Variants in GMDS observed in about 807,000 individuals in gnomAD.
The protein encoded by GMDS is GDP-mannose 4,6-dehydratase.
In GMDS, 20 loss-of-function variants were observed where a neutral mutation model predicts 49.9. The observed-to-expected ratio is 0.40, with a 90% CI of 0.28 to 0.58. The LOEUF is 0.58. GMDS is among the 20% of genes least tolerant of loss of function. GMDS has a pLI of 0.42. For synonymous variants in GMDS, 177 were observed against 178.6 expected (o/e 0.99, Z 0.07); for missense variants, 362 against 481.4 (o/e 0.75, Z 2.32).
intron 9 of GMDS, among the ~76,000 whole-genome samples, chr6:1,657,953 CA>C (rs1763941506): frequency 6.6e-6 from 1 of 151,930 alleles, no homozygotes; most frequent in South Asian, 2.1e-4. Context: ...CGCATGGCAG[CA>C]AACTGGCTGC....
intron 2 of GMDS, among the ~76,000 whole-genome samples, chr6:2,120,031 T>C (rs904388652): frequency 5.3e-5 from 8 of 152,212 alleles, no homozygotes; most frequent in Non-Finnish European, 7.3e-5. Flanking sequence ...AGTGTCTAGA[T>C]TTCTCTTGGA....
At chr6:1,989,209 A>C (rs572951260) in intron 4 of GMDS, among the ~76,000 whole-genome samples, 1 of 152,378 alleles carries the variant, frequency 6.6e-6, no homozygotes, top group South Asian at 2.1e-4. Flanking sequence ...ATTTAAGGCC[A>C]AGAAAAGAAG....
chr6:1,898,520 C>A (rs1373170046), intron 7 of GMDS, among the ~76,000 whole-genome samples: 1 of 152,110 alleles, frequency 6.6e-6, no homozygotes, highest in African/African-American at 2.4e-5. Flanking sequence ...TTTCCACCCT[C>A]CTTGTTTGGA....
intron 7 of GMDS, among the ~76,000 whole-genome samples, chr6:1,783,838 C>T (rs1769206503): frequency 6.6e-6 from 1 of 152,252 alleles, no homozygotes; most frequent in Admixed American, 6.5e-5. Flanking sequence ...GGCCATGAGG[C>T]TCTTTGTACT....
chr6:1,658,436 G>A (rs775338285), intron 9 of GMDS, among the ~76,000 whole-genome samples: 2 of 152,322 alleles, frequency 1.3e-5, no homozygotes, highest in South Asian at 2.1e-4. Context: ...ACAGCCCAGC[G>A]CTCTGCCTAC....
At chr6:1,777,980 C>T (rs1768908718) in intron 7 of GMDS, among the ~76,000 whole-genome samples, 1 of 152,076 alleles carries the variant, frequency 6.6e-6, no homozygotes, top group African/African-American at 2.4e-5. Context: ...GAGGTAAACA[C>T]AGCTAACAGA....
chr6:1,806,439 A>AACACACACACACAC (rs34940754), intron 7 of GMDS, among the ~76,000 whole-genome samples: 1 of 146,112 alleles, frequency 6.8e-6, no homozygotes, highest in Non-Finnish European at 1.5e-5. Context: ...AGCACATGGG[A>AACACACACACACAC]ACACACACAC....
At chr6:2,183,806 C>T (rs1778659951) in intron 1 of GMDS, among the ~76,000 whole-genome samples, 1 of 152,158 alleles carries the variant, frequency 6.6e-6, no homozygotes, top group Non-Finnish European at 1.5e-5. Flanking sequence ...TCAGCAGCCA[C>T]TAAAAGGGAG....
At position 1,992,231 on chromosome 6, in the gene GMDS, G is replaced by A. The variant is rs192521227; in HGVS notation, c.346-31265C>T. ...GAGCTCCAGACTCACACTACACAAC[G>A]AATTGGCCCTTAACTGGGCACTCTG... is the stretch of plus-strand genomic sequence containing the variant. On this transcript the variant is annotated intron_variant, in intron 4 of 10. Coordinates refer to ENST00000380815, the MANE Select transcript of GMDS (RefSeq NM_001500.4). Among the ~76,000 whole-genome samples the A allele has an allele frequency of 2.3e-4, 35 of 152,212 alleles. No individual in the cohort carries two copies. In the East Asian group the frequency reaches 3.3e-3, roughly 14 times the overall value.
intron 7 of GMDS, among the ~76,000 whole-genome samples, chr6:1,757,049 G>A (rs1767978201): frequency 6.6e-6 from 1 of 152,124 alleles, no homozygotes; most frequent in Non-Finnish European, 1.5e-5. Flanking sequence ...ACCACAAAGA[G>A]CTATCTTGTG....
chr6:2,004,339 C>T (rs772118073), intron 4 of GMDS, among the ~76,000 whole-genome samples: 40 of 152,098 alleles, frequency 2.6e-4, no homozygotes, highest in African/African-American at 3.1e-4. Flanking sequence ...GCCATCAAGA[C>T]GCCGCTATTT....
At chr6:1,735,165 C>T (rs982972839) in intron 8 of GMDS, among the ~76,000 whole-genome samples, 1 of 151,524 alleles carries the variant, frequency 6.6e-6, no homozygotes, top group Non-Finnish European at 1.5e-5. Context: ...TGCCCAAGTA[C>T]CCCCAGAGTC....
intron 1 of GMDS, chr6:2,175,789 G>T: frequency 3.6e-6 from 2 of 563,160 alleles, no homozygotes; most frequent in Non-Finnish European, 3.1e-6. Flanking sequence ...TATTTTTATA[G>T]CTAACATTTA....
intron 7 of GMDS, among the ~76,000 whole-genome samples, chr6:1,854,029 G>A (rs972654873): frequency 1.3e-5 from 2 of 152,058 alleles, no homozygotes; most frequent in Admixed American, 1.3e-4. Flanking sequence ...TTTCAAGCAG[G>A]GCAGCTAAGG....
intron 7 of GMDS, among the ~76,000 whole-genome samples, chr6:1,871,826 C>T (rs898086006): frequency 2.0e-5 from 3 of 152,246 alleles, no homozygotes; most frequent in African/African-American, 7.2e-5. Context: ...GCATAGTTCA[C>T]ATTAACAGCA....
chr6:1,677,707 A>G (rs545631649), intron 9 of GMDS, among the ~76,000 whole-genome samples: 2 of 149,908 alleles, frequency 1.3e-5, no homozygotes, highest in African/African-American at 4.9e-5. Flanking sequence ...CAGAAAACCA[A>G]GCACCGCATG....
At chr6:1,868,714 C>T (rs1271577434) in intron 7 of GMDS, among the ~76,000 whole-genome samples, 2 of 151,282 alleles carry the variant, frequency 1.3e-5, no homozygotes, top group Non-Finnish European at 3.0e-5. Flanking sequence ...TAATGTGCTG[C>T]AAAGGTTACA....
chr6:2,022,120 C>G (rs568505682), intron 4 of GMDS, among the ~76,000 whole-genome samples: 28 of 152,228 alleles, frequency 1.8e-4, no homozygotes, highest in Admixed American at 8.5e-4. Context: ...ACGACACAGG[C>G]AACTCTTATA....
At chr6:1,998,832 T>A (rs1766458257) in intron 4 of GMDS, among the ~76,000 whole-genome samples, 1 of 151,942 alleles carries the variant, frequency 6.6e-6, no homozygotes. Context: ...CCCCCATGGA[T>A]GCCAAGGGAC....
Sources: allele counts gnomAD v4.1 joint callset (sites outside exome capture counted in the v4.1 genomes callset), GRCh38; gene constraint gnomAD v4.1.1; transcripts MANE v1.5; gene names NCBI Gene and HGNC (gene_info 2026-07-23, HGNC 2026-07-21).